Variants in PLS1 observed in about 807,000 individuals in gnomAD.
PLS1 encodes the protein plastin 1, also known as plastin-1.
Under a neutral mutation model 73.7 loss-of-function variants are expected in PLS1, and 32 were observed. That is an observed-to-expected ratio of 0.43 (90% CI 0.33 to 0.58). PLS1 has a LOEUF of 0.58. Ranked by LOEUF, PLS1 falls within the 20% of genes least tolerant of loss-of-function variation. PLS1 has a pLI of 0.04. For synonymous variants in PLS1, 217 were observed against 261.3 expected, an observed-to-expected ratio of 0.83 and a Z score of 1.63; for missense variants, 633 against 740.5, an observed-to-expected ratio of 0.85 and a Z score of 1.68.
At chr3:142,698,389 A>T (rs970606361) in intron 12 of PLS1, 2 of 189,614 alleles carry the variant, frequency 1.1e-5, no homozygotes, top group Non-Finnish European at 2.2e-5. Flanking sequence ...CATTTATTCA[A>T]CAGATATTTA....
At chr3:142,654,424 T>G (rs1253807623) in intron 1 of PLS1, among the ~76,000 whole-genome samples, 2 of 152,168 alleles carry the variant, frequency 1.3e-5, no homozygotes, top group Non-Finnish European at 2.9e-5. Context: ...TAGCTCACTA[T>G]AGCCTCAAAC....
chr3:142,697,632 C>T (rs1048499419), intron 11 of PLS1, among the ~76,000 whole-genome samples: 2 of 152,080 alleles, frequency 1.3e-5, no homozygotes, highest in Non-Finnish European at 2.9e-5. Flanking sequence ...TAGAGATCTA[C>T]CTTATGTCCA....
intron 1 of PLS1, among the ~76,000 whole-genome samples, chr3:142,620,612 A>AT (rs2036296671): frequency 6.6e-6 from 1 of 152,208 alleles, no homozygotes; most frequent in Non-Finnish European, 1.5e-5. Flanking sequence ...TGCTTTATCA[A>AT]ATAGTTTGAG....
At chr3:142,616,362 C>A (rs569687217) in intron 1 of PLS1, among the ~76,000 whole-genome samples, 1 of 152,244 alleles carries the variant, frequency 6.6e-6, no homozygotes, top group South Asian at 2.1e-4. Context: ...GGCACACTAG[C>A]AGGAAGAGAA....
chr3:142,711,824 G>C (rs754375336), intron 15 of PLS1, 48 bp from the exon 16 acceptor site: 1 of 1,584,716 alleles, frequency 6.3e-7, no homozygotes, highest in Non-Finnish European at 8.6e-7. Flanking sequence ...AATATGTTAA[G>C]TGAAAACACA....
At chr3:142,672,537 G>A (rs2037626401) in intron 4 of PLS1, among the ~76,000 whole-genome samples, 1 of 151,706 alleles carries the variant, frequency 6.6e-6, no homozygotes, top group Non-Finnish European at 1.5e-5. Flanking sequence ...TAGAGTCAGG[G>A]TTTCACCGTG....
chr3:142,666,362 C>G (rs916441007), intron 2 of PLS1, among the ~76,000 whole-genome samples: 2 of 152,140 alleles, frequency 1.3e-5, no homozygotes. Flanking sequence ...TGTGACTACC[C>G]TAGGTACCTC....
At chr3:142,696,581 C>T (rs1261855508) in intron 11 of PLS1, among the ~76,000 whole-genome samples, 1 of 151,938 alleles carries the variant, frequency 6.6e-6, no homozygotes, top group African/African-American at 2.4e-5. Flanking sequence ...TAGATTTTCA[C>T]TGAAAATTCT....
chr3:142,677,367 T>A (rs981292365), intron 5 of PLS1, among the ~76,000 whole-genome samples: 5 of 152,130 alleles, frequency 3.3e-5, no homozygotes, highest in African/African-American at 4.8e-5. Context: ...GGGTGATGAC[T>A]GGGCGTGGTG....
chr3:142,637,495 T>G (rs368267840), intron 1 of PLS1, among the ~76,000 whole-genome samples: 3 of 152,200 alleles, frequency 2.0e-5, no homozygotes, highest in East Asian at 1.9e-4. Flanking sequence ...AAACTTCACA[T>G]TTTATACATT....
At chr3:142,648,253 C>A (rs1230300684) in intron 1 of PLS1, among the ~76,000 whole-genome samples, 1 of 152,012 alleles carries the variant, frequency 6.6e-6, no homozygotes, top group Non-Finnish European at 1.5e-5. Context: ...TTTCTAGGGA[C>A]AGGAAATGGC....
chr3:142,605,852 AACTTAT>A (rs2036008411), intron 1 of PLS1, among the ~76,000 whole-genome samples: 1 of 152,216 alleles, frequency 6.6e-6, no homozygotes, highest in Admixed American at 6.5e-5. Flanking sequence ...TTTGTTTTAA[AACTTAT>A]ACTTCCTGCT....
intron 8 of PLS1, 36 bp from the exon 9 acceptor site, chr3:142,686,248 C>T (rs200216190): frequency 9.9e-5 from 118 of 1,194,428 alleles, no homozygotes; most frequent in African/African-American, 9.0e-4. Context: ...TGATTTTATT[C>T]GTTTTAAAAA....
At chr3:142,705,914 G>GT (rs1450304812) in intron 14 of PLS1, among the ~76,000 whole-genome samples, 9 of 151,678 alleles carry the variant, frequency 5.9e-5, no homozygotes, top group African/African-American at 7.3e-5. Flanking sequence ...GTTACTGCTT[G>GT]TTTTTTTTGA....
chr3:142,659,714 G>A (rs897491234), intron 1 of PLS1, among the ~76,000 whole-genome samples: 1 of 138,998 alleles, frequency 7.2e-6, no homozygotes, highest in African/African-American at 2.7e-5. Flanking sequence ...TTTGTTTTTT[G>A]AGATGGAGTT....
At chr3:142,640,751 G>T (rs2036812939) in intron 1 of PLS1, among the ~76,000 whole-genome samples, 1 of 152,108 alleles carries the variant, frequency 6.6e-6, no homozygotes, top group Non-Finnish European at 1.5e-5. Flanking sequence ...GATTTGGCTA[G>T]GTTGTAGGGG....
At chr3:142,703,791 T>C in intron 12 of PLS1, 77 bp from the exon 13 acceptor site, 4 of 876,310 alleles carry the variant, frequency 4.6e-6, no homozygotes, top group Non-Finnish European at 7.3e-6. Context: ...GTTTTTCAGA[T>C]GGCTGAACTA....
At chr3:142,598,477 T>G (rs1282227445) in intron 1 of PLS1, among the ~76,000 whole-genome samples, 1 of 152,016 alleles carries the variant, frequency 6.6e-6, no homozygotes, top group Non-Finnish European at 1.5e-5. Flanking sequence ...AGATCACAGA[T>G]TAGTTAGGGG....
chr3:142,609,590 C>T (rs2036082809), intron 1 of PLS1, among the ~76,000 whole-genome samples: 6 of 152,198 alleles, frequency 3.9e-5, no homozygotes, highest in Admixed American at 3.9e-4. Context: ...TTTTGCATCC[C>T]TGGTTTTAGA....
Sources: gnomAD v4.1 joint callset for allele counts (sites outside exome capture counted in the v4.1 genomes callset) on GRCh38, gnomAD v4.1.1 for gene constraint, MANE v1.5 for transcripts, NCBI Gene and HGNC (gene_info 2026-07-23, HGNC 2026-07-21) for gene names.